Variants in ZNF888 observed in about 807,000 individuals in gnomAD.
ZNF888 encodes the protein CTD-2331H12.6.
A neutral mutation model predicts 7.2 loss-of-function variants in ZNF888; 5 were observed. That is an observed-to-expected ratio of 0.70 (90% CI 0.36 to 1.46). ZNF888 has a LOEUF of 1.46. Ranked by LOEUF, ZNF888 falls within the 40% of genes most tolerant of loss-of-function variation. The probability of loss-of-function intolerance (pLI) is 0.03; values close to 1 mark genes in which losing one functional copy is unlikely to be tolerated. For synonymous variants in ZNF888, 240 were observed against 284.3 expected (o/e 0.84, Z 1.57); for missense variants, 716 against 858.0 (o/e 0.83, Z 2.07).
intron 1 of ZNF888, among the ~76,000 whole-genome samples, chr19:52,922,414 C>G (rs914869893): frequency 6.6e-6 from 1 of 151,994 alleles, no homozygotes; most frequent in Non-Finnish European, 1.5e-5. Context: ...CTCTGTCTGC[C>G]CTGGCTCCAA....
In ZNF888 at chr19:52,918,895, G is replaced by A. The variant is rs986027641; in HGVS notation, c.-135C>T. On this transcript the variant is annotated 5_prime_UTR_variant, in exon 2 of 5. Transcript: ENST00000638862. ...GGAGACAGAGGTTGCAGTGAGCCAAGATCATGACAGTGCACTCACAGCCTG... is the reference window on the plus strand; with the variant it reads ...GGAGACAGAGGTTGCAGTGAGCCAAAATCATGACAGTGCACTCACAGCCTG... 2 of 151,812 alleles carry A rather than the reference G, an allele frequency of 1.3e-5. No individual in the cohort carries two copies. Among genetic ancestry groups the A allele is most frequent in the Admixed American group, 6.6e-5 (1 of 15,194 alleles). 9.4% of individuals were successfully genotyped at this position (151,812 alleles called of 1,614,324 possible).
chr19:52,906,483 T>A lies in ZNF888; in HGVS notation c.1839A>T (p.Lys613Asn). 16 of 1,613,436 alleles carry A rather than the reference T, an allele frequency of 9.9e-6. No individual in the cohort carries two copies. Among genetic ancestry groups the A allele is most frequent in the Non-Finnish European group, 1.3e-5 (15 of 1,179,664 alleles). Reference sequence around the variant, plus strand: ...CAAGGTGTGATTTGATATTGAAAACTTTGTCACATTCTTCACATTTGTAAG... The same window carrying A: ...CAAGGTGTGATTTGATATTGAAAACATTGTCACATTCTTCACATTTGTAAG... ...EKPYKCEECD[K>N]VFNIKSHLEI... is the part of the protein sequence containing the mutation. Residue 613 changes from lysine (K) to asparagine (N), a missense_variant, in exon 5 of 5, where the codon AAA (lysine) becomes AAT (asparagine). Transcript: ENST00000638862.
chr19:52,904,429 G>T lies in ZNF888; in HGVS notation c.*1736C>A, dbSNP rs1423427282. ...CAGACACTGAGTTGCAGAAGGAAGGGCTTTATTCAGCTGGGAGCATCGGCA... is the reference window on the plus strand; with the variant it reads ...CAGACACTGAGTTGCAGAAGGAAGGTCTTTATTCAGCTGGGAGCATCGGCA... On this transcript the variant is annotated 3_prime_UTR_variant, in exon 5 of 5. Coordinates refer to ENST00000638862, the MANE Select transcript of ZNF888 (RefSeq NM_001393938.1). 1 of 152,218 alleles carries T rather than the reference G, an allele frequency of 6.6e-6. No individual in the cohort carries two copies. The highest frequency in any genetic ancestry group is 2.4e-5 in the African/African-American group (1 of 41,460). 9.4% of individuals were successfully genotyped at this position (152,218 alleles called of 1,614,324 possible). A position where few individuals can be genotyped will look rare whatever the true frequency, so the allele number is the denominator to read the frequency against.
intron 4 of ZNF888, among the ~76,000 whole-genome samples, chr19:52,912,465 C>T (rs1443573645): frequency 6.7e-6 from 1 of 149,706 alleles, no homozygotes; most frequent in African/African-American, 2.5e-5. Context: ...GTGTCTCATG[C>T]CAGTAATCCC....
intron 3 of ZNF888, 56 bp downstream of exon 3, chr19:52,917,803 G>T: frequency 6.2e-7 from 1 of 1,612,168 alleles, no homozygotes; most frequent in African/African-American, 1.3e-5. Context: ...CAACTCCAAG[G>T]CCCAGCATTT....
Position 52,915,464 on chromosome 19 carries a change from GATGTA to G in ZNF888, c.16-147_16-143del, listed in dbSNP as rs1428438445. On this transcript the variant is annotated intron_variant, in intron 3 of 4. Transcript: ENST00000638862. ...CCGAGTAAGGGATTCTTCACCACATGATGTATTTTTTTTCTTCTTTTTCTGTTTGA... is the reference window on the plus strand; with the variant it reads ...CCGAGTAAGGGATTCTTCACCACATGTTTTTTTTCTTCTTTTTCTGTTTGA... 4.5e-4 allele frequency: 709 copies of G among 1,575,528 alleles called. 2 individuals carry two copies. In the African/African-American group the frequency reaches 8.9e-3, roughly 20 times the overall value.
rs527952265 is a variant in ZNF888 at position 52,914,919 on chromosome 19, C to T, written c.142+277G>A. On this transcript the variant is annotated intron_variant, in intron 4 of 4. Transcript: ENST00000638862. ...TGATCTAAAGTGATCCACATACCTC[C>T]CAAGGTGCTGGGATGACAGGCGTGA... Among the ~76,000 whole-genome samples the T allele has an allele frequency of 3.9e-5, 6 of 152,244 alleles. No individual in the cohort carries two copies. In the East Asian group the frequency reaches 1.2e-3, roughly 29 times the overall value.
chr19:52,905,876 T>A lies in ZNF888; in HGVS notation c.*289A>T. ...ATGGATTCTTTGATGTCTAATGAGG[T>A]GTGAACGTGAAGTAAAGGCTTTGCT... On this transcript the variant is annotated 3_prime_UTR_variant, in exon 5 of 5. Transcript: ENST00000638862. 1.3e-6 allele frequency: 1 copy of A among 747,520 alleles called. No homozygotes were observed. The highest frequency in any genetic ancestry group is 1.4e-5 in the South Asian group (1 of 72,882). 46.3% of individuals were successfully genotyped at this position (747,520 alleles called of 1,614,324 possible).
At chr19:52,921,341 G>A (rs1451007827) in intron 1 of ZNF888, among the ~76,000 whole-genome samples, 2 of 152,222 alleles carry the variant, frequency 1.3e-5, no homozygotes, top group Non-Finnish European at 2.9e-5. Flanking sequence ...GAAGCCAGTG[G>A]AGGGTTCCCT....
At chr19:52,917,320 G>A (rs1026550601) in intron 3 of ZNF888, 81 of 216,018 alleles carry the variant, frequency 3.7e-4, no homozygotes, top group Admixed American at 2.5e-3. Flanking sequence ...AGCAGGGATT[G>A]CAGGCACACA....
At chr19:52,917,051 A>T (rs969724777) in intron 3 of ZNF888, among the ~76,000 whole-genome samples, 1 of 152,240 alleles carries the variant, frequency 6.6e-6, no homozygotes, top group African/African-American at 2.4e-5. Context: ...GAGCCTCTCC[A>T]TAGTAACACC....
At position 52,906,045 on chromosome 19, in the gene ZNF888, T is replaced by G; in HGVS notation, c.*120A>C. 1.4e-6 allele frequency: 2 copies of G among 1,418,742 alleles called. No individual in the cohort carries two copies. The highest frequency in any genetic ancestry group is 2.0e-6 in the Non-Finnish European group (2 of 1,004,470). The allele number at this position is 1,418,742 out of a possible 1,614,324, so 87.9% of individuals were successfully genotyped here. On this transcript the variant is annotated 3_prime_UTR_variant, in exon 5 of 5. Transcript: ENST00000638862. The stretch of plus-strand genomic sequence containing the variant: ...GAGTTCACCCATGAACTACAGCGTA[T>G]GAACGATGTCTGAAAAATTTGCCAC...
chr19:52,914,147 T>G (rs530215692), intron 4 of ZNF888: 1 of 157,364 alleles, frequency 6.4e-6, no homozygotes, highest in South Asian at 2.0e-4. Context: ...AGCAGAGAGA[T>G]AAGTGAGGGC....
At chr19:52,916,706 A>G (rs188704403) in intron 3 of ZNF888, among the ~76,000 whole-genome samples, 188 of 151,452 alleles carry the variant, frequency 1.2e-3, no homozygotes, top group African/African-American at 4.4e-3. Flanking sequence ...CCTTGGCGGA[A>G]AAGGACACAT....
At chr19:52,912,561 T>TA (rs1176685168) in intron 4 of ZNF888, among the ~76,000 whole-genome samples, 1,508 of 114,886 alleles carry the variant, frequency 0.013, 44 homozygotes, top group African/African-American at 0.044. Context: ...CCATCTCTAC[T>TA]AAAAAAAAAA....
intron 1 of ZNF888, among the ~76,000 whole-genome samples, chr19:52,922,337 C>T (rs541696130): frequency 9.9e-4 from 150 of 152,064 alleles, no homozygotes; most frequent in Non-Finnish European, 1.8e-3. Context: ...TCTGGCACCC[C>T]AGATTTCCCA....
At chr19:52,922,373 C>A (rs1274039776) in intron 1 of ZNF888, among the ~76,000 whole-genome samples, 1 of 152,006 alleles carries the variant, frequency 6.6e-6, no homozygotes, top group Non-Finnish European at 1.5e-5. Flanking sequence ...GTGGTTCTCC[C>A]TCTGTTCTCC....
chr19:52,914,048 C>T lies in ZNF888; in HGVS notation c.142+1148G>A, dbSNP rs118101528. Among the ~76,000 whole-genome samples the T allele has an allele frequency of 2.3e-3, 350 of 152,246 alleles. 1 individual carries two copies. Among genetic ancestry groups the T allele is most frequent in the Non-Finnish European group, 3.9e-3 (267 of 68,018 alleles). The stretch of plus-strand genomic sequence containing the variant: ...GCTGGGGCACAAGAATCCTTTGAGC[C>T]CAAAAGGCGGAGGCTGCAATTAGCC... On this transcript the variant is annotated intron_variant, in intron 4 of 4. Transcript: ENST00000638862.
chr19:52,922,883 G>A (rs2093388135), intron 1 of ZNF888, among the ~76,000 whole-genome samples: 2 of 150,400 alleles, frequency 1.3e-5, no homozygotes, highest in African/African-American at 4.9e-5. Flanking sequence ...GGAGACTTGG[G>A]GAGCAACAGG....
Sources: gnomAD v4.1 joint callset for allele counts (sites outside exome capture counted in the v4.1 genomes callset) on GRCh38, gnomAD v4.1.1 for gene constraint, MANE v1.5 for transcripts, NCBI Gene and HGNC (gene_info 2026-07-23, HGNC 2026-07-21) for gene names.